The following AGBL1 variants were observed in gnomAD, a reference collection of about 807,000 sequenced individuals.
AGBL1 encodes the protein cytosolic carboxypeptidase 4.
AGBL1 carries 130 observed loss-of-function variants against 118.9 expected under a neutral mutation model. That is an observed-to-expected ratio of 1.09 (90% CI 0.95 to 1.26). The LOEUF is 1.26. Ranked by LOEUF, AGBL1 falls within the 50% of genes most tolerant of loss-of-function variation. AGBL1 has a pLI of 0.00. For synonymous variants in AGBL1, 555 were observed against 478.9 expected (o/e 1.16, Z -2.08); for missense variants, 1,584 against 1,298.1 (o/e 1.22, Z -3.38).
chr15:87,010,308 C>G (rs1266918639), intron 24 of AGBL1, among the ~76,000 whole-genome samples: 2 of 152,160 alleles, frequency 1.3e-5, no homozygotes, highest in Non-Finnish European at 2.9e-5. Flanking sequence ...GTAAGATTGA[C>G]TTGCTCCTCC....
At chr15:86,477,765 CAG>C (rs1320950252) in intron 18 of AGBL1, among the ~76,000 whole-genome samples, 1 of 152,136 alleles carries the variant, frequency 6.6e-6, no homozygotes, top group Non-Finnish European at 1.5e-5. Flanking sequence ...CAAAGCCTGG[CAG>C]AGACACAACA....
At chr15:86,267,961 C>G (rs944734322) in intron 13 of AGBL1, among the ~76,000 whole-genome samples, 28 of 152,186 alleles carry the variant, frequency 1.8e-4, no homozygotes, top group Admixed American at 9.8e-4. Context: ...CACTTCATGC[C>G]TTTATTTCCT....
rs2080367402 is a variant in AGBL1 at position 86,912,647 on chromosome 15, G to A, written c.*5353G>A. ...TTCATTTATCAGCCTGGAAAATGGT[G>A]CCGTAGAGTCGATTTCATATGCTAA... On this transcript the variant is annotated 3_prime_UTR_variant, in exon 23 of 23. Transcript: ENST00000614907. 6.6e-6 allele frequency: 1 copy of A among 152,180 alleles called. No individual in the cohort carries two copies. Among genetic ancestry groups the A allele is most frequent in the Admixed American group, 6.5e-5 (1 of 15,284 alleles). The allele number at this position is 152,180 out of a possible 1,614,324, so 9.4% of individuals were successfully genotyped here. A position where few individuals can be genotyped will look rare whatever the true frequency, so the allele number is the denominator to read the frequency against.
chr15:86,332,149 A>T (rs2141864622), intron 17 of AGBL1, among the ~76,000 whole-genome samples: 1 of 152,366 alleles, frequency 6.6e-6, no homozygotes, highest in African/African-American at 2.4e-5. Context: ...ATGTAACAAC[A>T]GTAAAGAAGG....
intron 22 of AGBL1, among the ~76,000 whole-genome samples, chr15:86,880,654 T>TGTGTGGATGTGAGTGG (rs903876252): frequency 6.6e-6 from 1 of 152,120 alleles, no homozygotes; most frequent in Non-Finnish European, 1.5e-5. Flanking sequence ...TGTATGCATG[T>TGTGTGGATGTGAGTGG]GTGTGGATGT....
At chr15:86,684,554 C>G (rs191206770) in intron 22 of AGBL1, among the ~76,000 whole-genome samples, 2 of 151,694 alleles carry the variant, frequency 1.3e-5, no homozygotes, top group East Asian at 3.9e-4. Context: ...CTCCTGGGCT[C>G]AAGCAGTCCT....
At chr15:86,612,226 T>C (rs1029520040) in intron 21 of AGBL1, among the ~76,000 whole-genome samples, 19 of 152,094 alleles carry the variant, frequency 1.2e-4, no homozygotes, top group African/African-American at 4.6e-4. Flanking sequence ...CCATGAGTCT[T>C]TGAATATGCA....
intron 22 of AGBL1, among the ~76,000 whole-genome samples, chr15:86,753,740 G>C (rs2077891746): frequency 6.6e-6 from 1 of 152,076 alleles, no homozygotes; most frequent in Admixed American, 6.6e-5. Flanking sequence ...TAGGTCTGAA[G>C]AGTGAGGGGA....
intron 23 of AGBL1, among the ~76,000 whole-genome samples, chr15:86,945,205 C>G (rs187933886): frequency 3.9e-5 from 5 of 129,850 alleles, no homozygotes; most frequent in Non-Finnish European, 6.2e-5. Context: ...GATCTTACCA[C>G]GACACCCAAG....
Position 86,190,863 on chromosome 15 carries a change from G to C in AGBL1, c.488+31837G>C, listed in dbSNP as rs550480703. ...CTCTAAAAGATATAAGCAAGACGGC[G>C]TACAAAAGACATGAATAATTTAAGC... is the stretch of plus-strand genomic sequence containing the variant. On this transcript the variant is annotated intron_variant, in intron 5 of 22. Coordinates refer to ENST00000614907, the MANE Select transcript of AGBL1 (RefSeq NM_001386094.1). Among the ~76,000 whole-genome samples, 12 of 152,238 alleles carry C rather than the reference G, an allele frequency of 7.9e-5. No homozygotes were observed. In the South Asian group the frequency reaches 2.3e-3, roughly 29 times the overall value.
Position 86,622,330 on chromosome 15 carries a change from C to CAA in AGBL1, c.2995-51929_2995-51928dup, listed in dbSNP as rs76582205. ...GGGTGACAAGACTGAGACTCCATCT[C>CAA]AAAAAAAAAAAAAAAGGGGGTAGGG... is the stretch of plus-strand genomic sequence containing the variant. On this transcript the variant is annotated intron_variant, in intron 21 of 22. Transcript: ENST00000614907. Among the ~76,000 whole-genome samples, 305 of 93,888 alleles carry CAA rather than the reference C, an allele frequency of 3.2e-3. 3 individuals carry two copies. The highest frequency in any genetic ancestry group is 9.6e-3 in the African/African-American group (284 of 29,654). The allele number at this position is 93,888 out of a possible 152,430, so 61.6% of individuals were successfully genotyped here.
chr15:86,231,302 T>C (rs2078451571), intron 6 of AGBL1, among the ~76,000 whole-genome samples: 1 of 152,220 alleles, frequency 6.6e-6, no homozygotes, highest in African/African-American at 2.4e-5. Context: ...TTCCTGACTT[T>C]AGCCTCACAC....
intron 23 of AGBL1, among the ~76,000 whole-genome samples, chr15:86,957,202 A>G (rs2080939885): frequency 6.6e-6 from 1 of 152,120 alleles, no homozygotes; most frequent in Non-Finnish European, 1.5e-5. Context: ...ATTTTATTCA[A>G]TATTTTAATA....
intron 19 of AGBL1, among the ~76,000 whole-genome samples, chr15:86,534,302 A>G (rs2083392699): frequency 6.6e-6 from 1 of 152,142 alleles, no homozygotes; most frequent in South Asian, 2.1e-4. Flanking sequence ...AGGGTTATGG[A>G]AAAGCCAGAG....
At position 86,192,045 on chromosome 15, in the gene AGBL1, G is replaced by T. The variant is rs1181904356; in HGVS notation, c.489-32869G>T. Reference sequence around the variant, plus strand: ...GAGCCCAAGAGTTCCAGGCTCCAGGGAGTTGATTGTGCCACTGTACTCTGT... The same window carrying T: ...GAGCCCAAGAGTTCCAGGCTCCAGGTAGTTGATTGTGCCACTGTACTCTGT... On this transcript the variant is annotated intron_variant, in intron 5 of 22. Transcript: ENST00000614907. Among the ~76,000 whole-genome samples the T allele has an allele frequency of 2.0e-5, 3 of 151,734 alleles. No homozygotes were observed. In the East Asian group the frequency reaches 5.8e-4, roughly 29 times the overall value.
intron 21 of AGBL1, among the ~76,000 whole-genome samples, chr15:86,637,987 T>A (rs2085125388): frequency 6.6e-6 from 1 of 152,154 alleles, no homozygotes; most frequent in South Asian, 2.1e-4. Context: ...GGCTCTCATG[T>A]TTTTTCCATC....
chr15:86,696,452 T>A (rs1567127125), intron 22 of AGBL1, among the ~76,000 whole-genome samples: 1 of 151,900 alleles, frequency 6.6e-6, no homozygotes, highest in Admixed American at 6.6e-5. Flanking sequence ...TCCACCTTTT[T>A]ACCTTAAGTC....
intron 22 of AGBL1, among the ~76,000 whole-genome samples, chr15:86,744,790 A>G (rs149982129): frequency 1.3e-5 from 2 of 152,258 alleles, no homozygotes; most frequent in Non-Finnish European, 2.9e-5. Flanking sequence ...GTTAATACAT[A>G]GTTTTGAGAG....
intron 5 of AGBL1, among the ~76,000 whole-genome samples, chr15:86,211,200 CT>C (rs1485130005): frequency 1.3e-5 from 2 of 152,208 alleles, no homozygotes. Flanking sequence ...CTGTTCCTTC[CT>C]CTGGAAACTT....
Sources: allele counts gnomAD v4.1 joint callset (sites outside exome capture counted in the v4.1 genomes callset), GRCh38; gene constraint gnomAD v4.1.1; transcripts MANE v1.5; gene names NCBI Gene and HGNC (gene_info 2026-07-23, HGNC 2026-07-21).